UBN2: variants seen among roughly 807,000 people sequenced by gnomAD.
UBN2 encodes ubinuclein 2.
In UBN2, 35 loss-of-function variants were observed where a neutral mutation model predicts 120.2. The ratio of observed to expected loss-of-function variants is 0.29; its 90% confidence interval spans 0.22 to 0.39. UBN2 has a LOEUF of 0.39. Ranked by LOEUF, UBN2 falls within the 10% of genes least tolerant of loss-of-function variation. UBN2 has a pLI of 1.00. For missense variants in UBN2, 1,693 were observed against 1,663.2 expected, an observed-to-expected ratio of 1.02 and a Z score of -0.31; for synonymous variants, 661 against 648.7, an observed-to-expected ratio of 1.02 and a Z score of -0.29.
chr7:139,325,587 CACA>C, the UBN2 span, among the ~76,000 whole-genome samples: 1 of 152,128 alleles, frequency 6.6e-6, no homozygotes, highest in African/African-American at 2.4e-5. Flanking sequence ...TGCTTTCAGA[CACA>C]ACATCTATAG....
chr7:139,290,950 T>C (rs184528873), intron 15 of UBN2, among the ~76,000 whole-genome samples: 2 of 152,340 alleles, frequency 1.3e-5, no homozygotes, highest in East Asian at 3.9e-4. Flanking sequence ...AGGACAAAGA[T>C]TTTTAAAATA....
chr7:139,291,138 A>G (rs1585029489), intron 15 of UBN2, among the ~76,000 whole-genome samples: 1 of 152,116 alleles, frequency 6.6e-6, no homozygotes, highest in Non-Finnish European at 1.5e-5. Context: ...AGGCAGGCGG[A>G]TCACTTGAGC....
In UBN2 at chr7:139,231,699, T is replaced by C; in HGVS notation, c.215T>C (p.Leu72Pro). ...CAGCCCCCGTCGCGGGAGAAGCCGC[T>C]CCCCCAGCGCGAGGTCAGCCGCGCC... Reference protein sequence around the residue: ...DAQPPSREKPLPQREVSRAEP... With the variant: ...DAQPPSREKPPPQREVSRAEP... Residue 72 changes from leucine (L) to proline (P), a missense_variant, in exon 1 of 18, where the codon CTC (leucine) becomes CCC (proline). Coordinates refer to ENST00000473989, the MANE Select transcript of UBN2 (RefSeq NM_173569.4). 1.7e-6 allele frequency: 2 copies of C among 1,176,708 alleles called. No individual in the cohort carries two copies. Among genetic ancestry groups the C allele is most frequent in the Non-Finnish European group, 2.1e-6 (2 of 956,354 alleles). 72.9% of individuals were successfully genotyped at this position (1,176,708 alleles called of 1,614,324 possible).
At chr7:139,287,915 T>C (rs1353014898) in intron 15 of UBN2, among the ~76,000 whole-genome samples, 1 of 152,208 alleles carries the variant, frequency 6.6e-6, no homozygotes, top group Non-Finnish European at 1.5e-5. Context: ...GGGTGTCTGC[T>C]CATTTGCAGA....
chr7:139,261,571 G>T lies in UBN2; in HGVS notation c.1225G>T (p.Asp409Tyr). The T allele has an allele frequency of 1.2e-6, 2 of 1,614,158 alleles. No homozygotes were observed. Among genetic ancestry groups the T allele is most frequent in the Admixed American group, 1.7e-5 (1 of 60,010 alleles). Residue 409 changes from aspartate to tyrosine, a missense_variant, in exon 6 of 18, where the codon GAC (aspartate) becomes TAC (tyrosine). Asp to Tyr is a radical substitution (Grantham distance 160). Coordinates refer to ENST00000473989, the MANE Select transcript of UBN2 (RefSeq NM_173569.4). Reference sequence around the variant, plus strand: ...AGAGATGCTAGATGATTTTGACTTCGACAGATTACTGGATGCTGCTTCTGA... The same window carrying T: ...AGAGATGCTAGATGATTTTGACTTCTACAGATTACTGGATGCTGCTTCTGA... ...ALEMLDDFDFDRLLDAASDGS... is the reference protein window; with the variant it reads ...ALEMLDDFDFYRLLDAASDGS...
intron 1 of UBN2, among the ~76,000 whole-genome samples, chr7:139,236,213 G>A (rs972672855): frequency 1.3e-5 from 2 of 152,174 alleles, no homozygotes; most frequent in African/African-American, 4.8e-5. Context: ...CTGTGTGTGT[G>A]TGTGTGTTAA....
intron 2 of UBN2, among the ~76,000 whole-genome samples, chr7:139,239,969 A>C (rs2130933905): frequency 1.3e-5 from 2 of 152,310 alleles, no homozygotes; most frequent in Middle Eastern, 6.8e-3. Flanking sequence ...TATATGACGC[A>C]CTACCTTAAA....
chr7:139,255,137 A>C (rs762923911), intron 3 of UBN2, among the ~76,000 whole-genome samples: 1 of 152,122 alleles, frequency 6.6e-6, no homozygotes, highest in Admixed American at 6.6e-5. Flanking sequence ...ACTGGCACCT[A>C]CTGGTCTTAA....
rs1796937612 is a variant in UBN2 at position 139,261,652 on chromosome 7, T to A, written c.1306T>A (p.Tyr436Asn). 1.2e-6 allele frequency: 2 copies of A among 1,614,066 alleles called. No homozygotes were observed. The highest frequency in any genetic ancestry group is 8.5e-7 in the Non-Finnish European group (1 of 1,180,032). Residue 436 changes from tyrosine (Y) to asparagine (N), a missense_variant, in exon 6 of 18, where the codon TAC becomes AAC. Around this residue, in one of 5 missense-constraint regions of UBN2, gnomAD observed 663 missense variants for 591.2 expected, o/e 1.12. Transcript: ENST00000473989. ...GENGTTTQPT[Y>N]TSQVMPKVVP... is the part of the protein sequence containing the mutation. The stretch of plus-strand genomic sequence containing the variant: ...AAATGGAACCACCACCCAGCCAACC[T>A]ACACTTCTCAGGTTATGCCCAAAGT...
intron 3 of UBN2, among the ~76,000 whole-genome samples, chr7:139,256,053 CT>C: frequency 6.6e-6 from 1 of 152,246 alleles, no homozygotes; most frequent in Non-Finnish European, 1.5e-5. Flanking sequence ...AAATCCAGGC[CT>C]TTTGATTCTT....
At chr7:139,259,521 G>C in intron 5 of UBN2, 151 bp downstream of exon 5, 1 of 1,103,988 alleles carries the variant, frequency 9.1e-7, no homozygotes, top group Non-Finnish European at 1.2e-6. Context: ...TAATAGTATT[G>C]TAGTATTTGT....
intron 15 of UBN2, among the ~76,000 whole-genome samples, chr7:139,285,607 C>T (rs1797762179): frequency 6.6e-6 from 1 of 152,096 alleles, no homozygotes; most frequent in Admixed American, 6.5e-5. Context: ...AATTGTATAC[C>T]TAGAACATAG....
At chr7:139,269,291 G>A (rs1797192396) in intron 7 of UBN2, 103 bp from the exon 8 acceptor site, 2 of 1,201,382 alleles carry the variant, frequency 1.7e-6, no homozygotes, top group East Asian at 2.5e-5. Context: ...AGGAAATCAT[G>A]AAAAGATAAA....
Position 139,304,967 on chromosome 7 carries a change from C to T in UBN2, c.*7131C>T, listed in dbSNP as rs189537271. On this transcript the variant is annotated 3_prime_UTR_variant, in exon 18 of 18. Coordinates refer to ENST00000473989, the MANE Select transcript of UBN2 (RefSeq NM_173569.4). ...TTAACAGAAGCATAAAATAGAGATA[C>T]TTTGTGTGTTCATCTATCGTAAAAT... 1.3e-5 allele frequency: 2 copies of T among 152,082 alleles called. No individual in the cohort carries two copies. The highest frequency in any genetic ancestry group is 3.9e-4 in the East Asian group (2 of 5,178). 9.4% of individuals were successfully genotyped at this position (152,082 alleles called of 1,614,324 possible). A position where few individuals can be genotyped will look rare whatever the true frequency, so the allele number is the denominator to read the frequency against.
At chr7:139,293,507 G>A (rs768656225) in intron 16 of UBN2, 44 bp downstream of exon 16, 2 of 1,538,514 alleles carry the variant, frequency 1.3e-6, no homozygotes, top group African/African-American at 2.7e-5. Context: ...TAGCTTGACA[G>A]AACAGGAAAC....
At chr7:139,257,052 T>C (rs1796782927) in intron 3 of UBN2, among the ~76,000 whole-genome samples, 1 of 152,240 alleles carries the variant, frequency 6.6e-6, no homozygotes, top group Admixed American at 6.5e-5. Flanking sequence ...TTAGATGATG[T>C]GAAGAACCTC....
chr7:139,266,214 G>A, intron 6 of UBN2, 119 bp from the exon 7 acceptor site: 1 of 547,016 alleles, frequency 1.8e-6, no homozygotes, highest in South Asian at 2.2e-5. Context: ...GCAACATAGA[G>A]AGGCCCTATC....
rs1798355814 is a variant in UBN2 at position 139,306,173 on chromosome 7, C to T, written c.*8337C>T. 1 of 152,194 alleles carries T rather than the reference C, an allele frequency of 6.6e-6. No individual in the cohort carries two copies. Among genetic ancestry groups the T allele is most frequent in the Admixed American group, 6.5e-5 (1 of 15,276 alleles). 9.4% of individuals were successfully genotyped at this position (152,194 alleles called of 1,614,324 possible). ...AACAACACCGTCTGCCCTCAAAGCACATTTAGGAGTATCAACCAAGACCAG... is the reference window on the plus strand; with the variant it reads ...AACAACACCGTCTGCCCTCAAAGCATATTTAGGAGTATCAACCAAGACCAG... On this transcript the variant is annotated 3_prime_UTR_variant, in exon 18 of 18. Coordinates refer to ENST00000473989, the MANE Select transcript of UBN2 (RefSeq NM_173569.4).
In UBN2 at chr7:139,261,293, A is replaced by C. The variant is rs1376723358; in HGVS notation, c.947A>C (p.Lys316Thr). The C allele has an allele frequency of 3.7e-6, 6 of 1,610,416 alleles. No homozygotes were observed. The South Asian group carries it at 6.6e-5, about 18-fold the overall frequency. ...LNSHKSEKKK[K>T]RYKDSLSLAA... ...TCACACAAGTCTGAAAAAAAGAAGA[A>C]ACGTTATAAAGATTCTCTTTCTCTA... The change falls in exon 6 of 18, where the codon AAA becomes ACA. Residue 316 changes from lysine (K) to threonine (T), a missense_variant. This residue lies in a region of UBN2 where 663 missense variants were observed against 591.2 expected (regional missense o/e 1.12). Coordinates refer to ENST00000473989, the MANE Select transcript of UBN2 (RefSeq NM_173569.4).
Sources: gnomAD v4.1 joint callset for allele counts (sites outside exome capture counted in the v4.1 genomes callset) on GRCh38, gnomAD v4.1.1 for gene constraint, gnomAD v4.1.1 regional missense constraint, MANE v1.5 for transcripts, NCBI Gene and HGNC (gene_info 2026-07-23, HGNC 2026-07-21) for gene names.